Variants in SLC4A4 observed in about 807,000 individuals in gnomAD.
The protein encoded by SLC4A4 is electrogenic sodium bicarbonate cotransporter 1.
Under a neutral mutation model 111.5 loss-of-function variants are expected in SLC4A4, and 27 were observed. The observed-to-expected ratio is 0.24, with a 90% CI of 0.18 to 0.33. The LOEUF is 0.33. Ranked by LOEUF, SLC4A4 falls within the 10% of genes least tolerant of loss-of-function variation. The pLI is 1.00. For synonymous variants in SLC4A4, 443 were observed against 463.4 expected (o/e 0.96, Z 0.57); for missense variants, 909 against 1,315.5 (o/e 0.69, Z 4.78).
At chr4:71,300,705 G>A (rs1725180583) in intron 3 of SLC4A4, 1 of 382,730 alleles carries the variant, frequency 2.6e-6, no homozygotes. Flanking sequence ...GGGGCATGGG[G>A]CTGGCAGCAG....
At chr4:71,409,829 G>A (rs1302938351) in intron 7 of SLC4A4, among the ~76,000 whole-genome samples, 18 of 152,176 alleles carry the variant, frequency 1.2e-4, no homozygotes, top group Admixed American at 1.1e-3. Context: ...AAGTGGTTTC[G>A]TGGGCCACAC....
chr4:71,223,309 G>A (rs987583624), intron 1 of SLC4A4, among the ~76,000 whole-genome samples: 37 of 152,024 alleles, frequency 2.4e-4, no homozygotes, highest in Middle Eastern at 3.4e-3. Context: ...CCGGGTAGCT[G>A]GGACTACAGG....
chr4:71,330,837 T>A (rs1288017360), intron 3 of SLC4A4, among the ~76,000 whole-genome samples: 2 of 152,244 alleles, frequency 1.3e-5, no homozygotes, highest in East Asian at 3.9e-4. Flanking sequence ...TCTACTCATC[T>A]GACAAAGGGC....
intron 1 of SLC4A4, among the ~76,000 whole-genome samples, chr4:71,203,805 G>A (rs915445206): frequency 1.3e-5 from 2 of 152,116 alleles, no homozygotes; most frequent in East Asian, 1.9e-4. Context: ...AATGTAATGC[G>A]GTCAGGGACA....
At chr4:71,366,346 TG>T (rs1731317094) in intron 6 of SLC4A4, among the ~76,000 whole-genome samples, 1 of 151,866 alleles carries the variant, frequency 6.6e-6, no homozygotes, top group African/African-American at 2.4e-5. Context: ...TGTGTGTGTG[TG>T]TGTGTGTGTA....
chr4:71,165,699 A>G (rs1744725412), intron 2 of SLC4A4, among the ~76,000 whole-genome samples: 1 of 152,176 alleles, frequency 6.6e-6, no homozygotes, highest in South Asian at 2.1e-4. Context: ...AAGTTAAAGT[A>G]TAATGATAAT....
rs183437880 is a variant in SLC4A4, at chr4:71,279,549, G to A, written c.253+24150G>A. Among the ~76,000 whole-genome samples the A allele has an allele frequency of 1.8e-3, 268 of 152,014 alleles. 1 individual carries two copies. The highest frequency in any genetic ancestry group is 6.2e-3 in the African/African-American group (259 of 41,472). ...ATACTTGTGTTGATTCCATATGTTG[G>A]CTATTGGTGAATAATGTTGCATTGA... On this transcript the variant is annotated intron_variant, in intron 3 of 25. Coordinates refer to ENST00000264485, the MANE Select transcript of SLC4A4 (RefSeq NM_001098484.3).
At chr4:71,490,353 A>T (rs28448514) in intron 15 of SLC4A4, among the ~76,000 whole-genome samples, 20 of 151,848 alleles carry the variant, frequency 1.3e-4, no homozygotes, top group African/African-American at 4.6e-4. Context: ...AAATTGAGGC[A>T]TACCTTAAAA....
Position 71,271,748 on chromosome 4 carries a change from T to C in SLC4A4, c.253+16349T>C, listed in dbSNP as rs182416665. Among the ~76,000 whole-genome samples, 127 of 152,330 alleles carry C rather than the reference T, an allele frequency of 8.3e-4. No homozygotes were observed. In the Middle Eastern group the frequency reaches 0.01, roughly 12 times the overall value. On this transcript the variant is annotated intron_variant, in intron 3 of 25. Transcript: ENST00000264485. ...GAAGATAATGCTCTCAACAAAAATT[T>C]GTAGCTACTCAATAACATAAAAATG...
At chr4:71,490,994 T>G (rs1323804588) in intron 15 of SLC4A4, among the ~76,000 whole-genome samples, 1 of 149,882 alleles carries the variant, frequency 6.7e-6, no homozygotes, top group African/African-American at 2.4e-5. Flanking sequence ...AATGTTTGAC[T>G]TTTTTCCTCA....
At chr4:71,471,264 A>G (rs1166345910) in intron 13 of SLC4A4, among the ~76,000 whole-genome samples, 1 of 151,956 alleles carries the variant, frequency 6.6e-6, no homozygotes. Flanking sequence ...TGTGCTAGGT[A>G]AAGAATTTGA....
chr4:71,298,391 T>C (rs920521443), intron 3 of SLC4A4, among the ~76,000 whole-genome samples: 1 of 152,140 alleles, frequency 6.6e-6, no homozygotes, highest in African/African-American at 2.4e-5. Flanking sequence ...AATAAAGGCT[T>C]AGTTTCTACA....
chr4:71,512,345 G>T (rs28865937), intron 16 of SLC4A4, among the ~76,000 whole-genome samples: 17,769 of 151,922 alleles, frequency 0.12, 1,251 homozygotes, highest in African/African-American at 0.2. Flanking sequence ...CTCTGACTGG[G>T]GTAAGATGAT....
intron 6 of SLC4A4, among the ~76,000 whole-genome samples, chr4:71,369,175 C>T (rs556564420): frequency 4.6e-5 from 7 of 152,130 alleles, no homozygotes; most frequent in South Asian, 4.2e-4. Context: ...AGGAAGGTGG[C>T]GGTGGTCGGG....
At chr4:71,245,776 C>G (rs1720613338) in intron 2 of SLC4A4, among the ~76,000 whole-genome samples, 2 of 151,978 alleles carry the variant, frequency 1.3e-5, no homozygotes, top group South Asian at 4.2e-4. Flanking sequence ...GATGATATTG[C>G]CCAGGGTCAA....
intron 12 of SLC4A4, among the ~76,000 whole-genome samples, chr4:71,465,693 G>A (rs554509299): frequency 3.4e-4 from 51 of 151,942 alleles, no homozygotes; most frequent in African/African-American, 1.2e-3. Context: ...AGTGATCCTC[G>A]TTGACACGTC....
intron 3 of SLC4A4, among the ~76,000 whole-genome samples, chr4:71,311,933 G>GA (rs1372974680): frequency 2.0e-5 from 3 of 146,362 alleles, no homozygotes; most frequent in Non-Finnish European, 4.5e-5. Context: ...GAGAGAGAGA[G>GA]AAGGAGATAG....
chr4:71,568,049 A>G lies in SLC4A4; in HGVS notation c.*298A>G, dbSNP rs1737659437. 1.7e-6 allele frequency: 1 copy of G among 576,504 alleles called. No homozygotes were observed. Among genetic ancestry groups the G allele is most frequent in the Non-Finnish European group, 3.1e-6 (1 of 321,732 alleles). The allele number at this position is 576,504 out of a possible 1,614,324, so 35.7% of individuals were successfully genotyped here. On this transcript the variant is annotated 3_prime_UTR_variant, in exon 26 of 26. Coordinates refer to ENST00000264485, the MANE Select transcript of SLC4A4 (RefSeq NM_001098484.3). ...GCTTCTCTCTTGCATAGACACAATC[A>G]AGACAATAGTGCACCGTTCCTTAAA...
intron 7 of SLC4A4, among the ~76,000 whole-genome samples, chr4:71,398,579 T>A (rs983392778): frequency 3.9e-5 from 6 of 151,992 alleles, no homozygotes; most frequent in Admixed American, 6.6e-5. Flanking sequence ...AATGAAAAAA[T>A]TTCAAAGTTT....
Sources: gnomAD v4.1 joint callset for allele counts (sites outside exome capture counted in the v4.1 genomes callset) on GRCh38, gnomAD v4.1.1 for gene constraint, MANE v1.5 for transcripts, NCBI Gene and HGNC (gene_info 2026-07-23, HGNC 2026-07-21) for gene names.